NRXN1: variants seen among roughly 807,000 people sequenced by gnomAD.
NRXN1 encodes neurexin-1.
NRXN1 carries 39 observed loss-of-function variants against 150.9 expected under a neutral mutation model. That is an observed-to-expected ratio of 0.26 (90% confidence interval 0.20 to 0.34). NRXN1 has a LOEUF of 0.34. Ranked by LOEUF, NRXN1 falls within the 10% of genes least tolerant of loss-of-function variation. The pLI is 1.00. For missense variants in NRXN1, 1,815 were observed against 1,949.9 expected, an observed-to-expected ratio of 0.93 and a Z score of 1.30; for synonymous variants, 924 against 757.0, an observed-to-expected ratio of 1.22 and a Z score of -3.62.
intron 5 of NRXN1, among the ~76,000 whole-genome samples, chr2:50,685,797 C>T (rs1326322768): frequency 6.6e-6 from 1 of 152,102 alleles, no homozygotes; most frequent in Non-Finnish European, 1.5e-5. Context: ...ATCATCTTTG[C>T]ATCATCAAAC....
chr2:50,622,738 T>C (rs534525239), intron 6 of NRXN1, among the ~76,000 whole-genome samples: 8 of 152,144 alleles, frequency 5.3e-5, no homozygotes, highest in African/African-American at 1.7e-4. Flanking sequence ...CCAGAGTCAT[T>C]TGGGGTTTAA....
At chr2:50,088,044 AT>A (rs1699044401) in intron 19 of NRXN1, among the ~76,000 whole-genome samples, 1 of 152,154 alleles carries the variant, frequency 6.6e-6, no homozygotes, top group Non-Finnish European at 1.5e-5. Flanking sequence ...TTCTCTGAGT[AT>A]AAGACTTGGT....
At chr2:50,776,554 A>G (rs115830012) in intron 5 of NRXN1, among the ~76,000 whole-genome samples, 2,021 of 151,636 alleles carry the variant, frequency 0.013, 22 homozygotes, top group Non-Finnish European at 0.021. Context: ...AAACACTTTA[A>G]CAAAATCTAA....
chr2:50,282,758 T>C (rs562324899), intron 17 of NRXN1, among the ~76,000 whole-genome samples: 118 of 152,296 alleles, frequency 7.7e-4, no homozygotes, highest in Non-Finnish European at 1.5e-3. Flanking sequence ...AAATCCAAGT[T>C]AAAATTTTTT....
At chr2:50,633,471 C>T (rs914821268) in intron 5 of NRXN1, among the ~76,000 whole-genome samples, 2 of 151,224 alleles carry the variant, frequency 1.3e-5, no homozygotes, top group African/African-American at 4.9e-5. Flanking sequence ...TCCATCCATT[C>T]GTGTGCTTCA....
intron 15 of NRXN1, among the ~76,000 whole-genome samples, chr2:50,478,390 C>T (rs1025066277): frequency 6.6e-6 from 1 of 152,164 alleles, no homozygotes; most frequent in Non-Finnish European, 1.5e-5. Context: ...AAGATCATTT[C>T]TAAGTTCAAG....
intron 21 of NRXN1, among the ~76,000 whole-genome samples, chr2:50,013,699 A>G (rs762155828): frequency 6.6e-6 from 1 of 152,176 alleles, no homozygotes; most frequent in Non-Finnish European, 1.5e-5. Flanking sequence ...CACTTGGTGG[A>G]AAACGTTTTT....
chr2:50,129,711 C>A (rs1705185651), intron 18 of NRXN1, among the ~76,000 whole-genome samples: 1 of 152,050 alleles, frequency 6.6e-6, no homozygotes, highest in Non-Finnish European at 1.5e-5. Flanking sequence ...AGATGCCCAG[C>A]AAAAAGAAAG....
chr2:50,167,818 T>G (rs973157696), intron 18 of NRXN1, among the ~76,000 whole-genome samples: 11 of 152,246 alleles, frequency 7.2e-5, no homozygotes, highest in Admixed American at 6.5e-4. Context: ...TTTCAAGAGC[T>G]CCCAGGTAAT....
chr2:50,987,711 T>C (rs909544091), intron 2 of NRXN1, among the ~76,000 whole-genome samples: 1 of 151,916 alleles, frequency 6.6e-6, no homozygotes, highest in Admixed American at 6.6e-5. Context: ...TTGGAACATA[T>C]ACTGTCTGTT....
At chr2:50,015,125 G>C (rs1686355764) in intron 21 of NRXN1, among the ~76,000 whole-genome samples, 1 of 151,940 alleles carries the variant, frequency 6.6e-6, no homozygotes, top group Non-Finnish European at 1.5e-5. Context: ...CTGGACAAGG[G>C]GAATAAAAGC....
intron 19 of NRXN1, among the ~76,000 whole-genome samples, chr2:50,088,157 T>C (rs1699059757): frequency 6.6e-6 from 1 of 152,154 alleles, no homozygotes; most frequent in Admixed American, 6.6e-5. Context: ...TACTAGACTT[T>C]GCTACTGAAC....
intron 5 of NRXN1, chr2:50,632,895 G>T (rs753008007): frequency 7.2e-5 from 11 of 152,006 alleles, no homozygotes; most frequent in African/African-American, 1.2e-4. Context: ...CCAGCAGAGA[G>T]TCCAGGCTTT....
chr2:50,578,783 T>G (rs1671814657), intron 8 of NRXN1, among the ~76,000 whole-genome samples: 1 of 152,050 alleles, frequency 6.6e-6, no homozygotes, highest in South Asian at 2.1e-4. Flanking sequence ...AGCTTTTTAA[T>G]TTATATTCTA....
intron 22 of NRXN1, among the ~76,000 whole-genome samples, chr2:49,923,346 C>T (rs1668548732): frequency 6.6e-6 from 1 of 152,042 alleles, no homozygotes; most frequent in Admixed American, 6.6e-5. Flanking sequence ...TCTGTTTTTC[C>T]CTGAATCTCT....
At chr2:50,703,370 C>G (rs976516848) in intron 5 of NRXN1, among the ~76,000 whole-genome samples, 4 of 152,002 alleles carry the variant, frequency 2.6e-5, no homozygotes, top group Non-Finnish European at 4.4e-5. Context: ...GACCTCTGCA[C>G]CAGGTATTTC....
At chr2:50,563,753 C>A (rs1669459746) in intron 8 of NRXN1, among the ~76,000 whole-genome samples, 1 of 152,126 alleles carries the variant, frequency 6.6e-6, no homozygotes, top group African/African-American at 2.4e-5. Context: ...GGTTAATTTT[C>A]CTAAAGCAAT....
intron 8 of NRXN1, among the ~76,000 whole-genome samples, chr2:50,582,656 T>G (rs1672468253): frequency 7.2e-6 from 1 of 138,702 alleles, no homozygotes; most frequent in African/African-American, 3.0e-5. Context: ...AACCACACTT[T>G]GGGATCTGCC....
chr2:50,460,342 G>A lies in NRXN1; in HGVS notation c.3364+5100C>T, dbSNP rs571949901. The stretch of plus-strand genomic sequence containing the variant: ...GGTTTGCTTCCTTTTTGATTTCTAG[G>A]GGCCAAGGTGGCAGAATTCACAGAC... On this transcript the variant is annotated intron_variant, in intron 17 of 22. Transcript: ENST00000401669. Among the ~76,000 whole-genome samples, 3 of 152,090 alleles carry A rather than the reference G, an allele frequency of 2.0e-5. No homozygotes were observed. In the South Asian group the frequency reaches 6.2e-4, roughly 32 times the overall value.
Sources: gnomAD v4.1 joint callset for allele counts (sites outside exome capture counted in the v4.1 genomes callset) on GRCh38, gnomAD v4.1.1 for gene constraint, MANE v1.5 for transcripts, NCBI Gene and HGNC (gene_info 2026-07-23, HGNC 2026-07-21) for gene names.